UGGT2: variants seen among roughly 807,000 people sequenced by gnomAD.
The protein encoded by UGGT2 is UDP-glucose glycoprotein glucosyltransferase 2.
UGGT2 carries 180 observed loss-of-function variants against 192.1 expected under a neutral mutation model. The ratio of observed to expected loss-of-function variants is 0.94; its 90% CI spans 0.83 to 1.06. UGGT2 has a LOEUF of 1.06. Among genes scored for constraint, UGGT2 ranks in the 50% least tolerant of loss-of-function variants. The pLI, the probability that UGGT2 is intolerant of heterozygous loss-of-function variation, is 0.00. For missense variants in UGGT2, 1,849 were observed against 1,795.7 expected, an observed-to-expected ratio of 1.03 and a Z score of -0.54; for synonymous variants, 580 against 591.0, an observed-to-expected ratio of 0.98 and a Z score of 0.27.
chr13:95,801,928 G>T, intron 38 of UGGT2, 116 bp from the exon 39 acceptor site: 1 of 1,146,598 alleles, frequency 8.7e-7, no homozygotes, highest in Non-Finnish European at 1.3e-6. Context: ...TTATTTGCTA[G>T]TTCAGTACCT....
intron 10 of UGGT2, among the ~76,000 whole-genome samples, chr13:95,981,085 C>T (rs2051108513): frequency 6.6e-6 from 1 of 152,116 alleles, no homozygotes; most frequent in Non-Finnish European, 1.5e-5. Flanking sequence ...TTCTTATCTC[C>T]TCTACTCGAA....
At chr13:96,053,081 G>T in intron 1 of UGGT2, 74 bp downstream of exon 1, 3 of 1,396,198 alleles carry the variant, frequency 2.1e-6, no homozygotes, top group South Asian at 1.6e-5. Flanking sequence ...CACCCGCTGC[G>T]AGCACGAAGA....
At position 96,023,114 on chromosome 13, in the gene UGGT2, T is replaced by C. The variant is rs774747273; in HGVS notation, c.411A>G (p.Ala137=). 4.4e-6 allele frequency: 7 copies of C among 1,598,000 alleles called. No homozygotes were observed. The highest frequency in any genetic ancestry group is 4.5e-5 in the East Asian group (2 of 44,300). Residue 137 remains alanine (A), a synonymous_variant, in exon 4 of 39, where the codon GCA becomes GCG. Coordinates refer to ENST00000376747, the MANE Select transcript of UGGT2 (RefSeq NM_020121.4). Reference sequence around the variant, plus strand: ...TGTGCTTCTTATGAATAACCACAAATGCATTACAACCATCTGGTGGTGGCT... The same window carrying C: ...TGTGCTTCTTATGAATAACCACAAACGCATTACAACCATCTGGTGGTGGCT... ...ADEPPPDGCN[A]FVVIHKKHTC... is the part of the protein sequence containing the mutation.
At chr13:95,926,797 A>T (rs1307529097) in intron 19 of UGGT2, among the ~76,000 whole-genome samples, 4 of 152,128 alleles carry the variant, frequency 2.6e-5, no homozygotes, top group Non-Finnish European at 5.9e-5. Flanking sequence ...TTTCTTAAAA[A>T]GGTGAAAATA....
chr13:96,030,927 T>A (rs1356029682), intron 2 of UGGT2, among the ~76,000 whole-genome samples: 1 of 152,240 alleles, frequency 6.6e-6, no homozygotes, highest in African/African-American at 2.4e-5. Context: ...AAAAGTTTCT[T>A]TAATGGTTTA....
chr13:95,855,114 A>G (rs1265230887), intron 34 of UGGT2, among the ~76,000 whole-genome samples: 1 of 145,710 alleles, frequency 6.9e-6, no homozygotes, highest in Non-Finnish European at 1.5e-5. Context: ...TGTAAAAAAA[A>G]AAAAAAAAAA....
chr13:96,047,031 C>G (rs1456719135), intron 1 of UGGT2, among the ~76,000 whole-genome samples: 1 of 152,206 alleles, frequency 6.6e-6, no homozygotes, highest in African/African-American at 2.4e-5. Flanking sequence ...CTGTAGACTC[C>G]ACCTCTGGGG....
At chr13:95,950,206 G>A (rs1040909011) in intron 12 of UGGT2, among the ~76,000 whole-genome samples, 3 of 152,070 alleles carry the variant, frequency 2.0e-5, no homozygotes, top group Non-Finnish European at 4.4e-5. Context: ...TTCCTCTCAA[G>A]TCATTTGCTG....
In UGGT2 at chr13:95,801,715, C is replaced by T. The variant is rs1594041786; in HGVS notation, c.*75G>A. 6.6e-7 allele frequency: 1 copy of T among 1,512,708 alleles called. No homozygotes were observed. Among genetic ancestry groups the T allele is most frequent in the South Asian group, 1.2e-5 (1 of 83,526 alleles). 93.7% of individuals were successfully genotyped at this position (1,512,708 alleles called of 1,614,324 possible). ...TAACGAGACTTCCAAATCGTCTCAG[C>T]AGGGGCTCCAGACTTCCCCAGCAGG... On this transcript the variant is annotated 3_prime_UTR_variant, in exon 39 of 39. Coordinates refer to ENST00000376747, the MANE Select transcript of UGGT2 (RefSeq NM_020121.4).
At chr13:95,845,001 G>C (rs1369906776) in intron 36 of UGGT2, among the ~76,000 whole-genome samples, 1 of 152,044 alleles carries the variant, frequency 6.6e-6, no homozygotes, top group Admixed American at 6.6e-5. Flanking sequence ...AATCAGGAAA[G>C]GATACTGGAG....
chr13:96,021,605 T>C lies in UGGT2; in HGVS notation c.485+1435A>G, dbSNP rs528663166. Reference sequence around the variant, plus strand: ...TTAACACAGAAACATGAAAACAAAATGAAAGCAATCTTAATTCAAAAGCAA... The same window carrying C: ...TTAACACAGAAACATGAAAACAAAACGAAAGCAATCTTAATTCAAAAGCAA... On this transcript the variant is annotated intron_variant, in intron 4 of 38. Coordinates refer to ENST00000376747, the MANE Select transcript of UGGT2 (RefSeq NM_020121.4). Among the ~76,000 whole-genome samples, 211 of 152,178 alleles carry C rather than the reference T, an allele frequency of 1.4e-3. 1 individual carries two copies. The highest frequency in any genetic ancestry group is 4.7e-3 in the African/African-American group (197 of 41,534).
chr13:95,881,421 G>C lies in UGGT2; in HGVS notation c.3228+3070C>G, dbSNP rs554669169. On this transcript the variant is annotated intron_variant, in intron 27 of 38. Coordinates refer to ENST00000376747, the MANE Select transcript of UGGT2 (RefSeq NM_020121.4). ...CAAATGTGACCTTTTCCCAAATTTTGTAAGTGTTTGATGGTTTGAGACATA... is the reference window on the plus strand; with the variant it reads ...CAAATGTGACCTTTTCCCAAATTTTCTAAGTGTTTGATGGTTTGAGACATA... Among the ~76,000 whole-genome samples the C allele has an allele frequency of 2.6e-5, 4 of 152,244 alleles. No individual in the cohort carries two copies. The South Asian group carries it at 6.2e-4, about 24-fold the overall frequency.
chr13:95,859,723 C>T, intron 32 of UGGT2, 48 bp from the exon 33 acceptor site: 1 of 1,340,320 alleles, frequency 7.5e-7, no homozygotes, highest in South Asian at 1.5e-5. Context: ...GTAACAGGAG[C>T]TCATATATAT....
chr13:96,029,312 A>T (rs1389059692), intron 2 of UGGT2, among the ~76,000 whole-genome samples: 1 of 152,066 alleles, frequency 6.6e-6, no homozygotes, highest in African/African-American at 2.4e-5. Flanking sequence ...TTTGAGTCAG[A>T]GTCTCACTCT....
At chr13:95,947,296 G>T in intron 14 of UGGT2, 124 bp from the exon 15 acceptor site, 1 of 1,063,026 alleles carries the variant, frequency 9.4e-7, no homozygotes, top group East Asian at 2.7e-5. Context: ...ACAGAGAAAA[G>T]GAGAATTTTA....
At chr13:95,996,768 G>A (rs933117402) in intron 6 of UGGT2, among the ~76,000 whole-genome samples, 2 of 152,150 alleles carry the variant, frequency 1.3e-5, no homozygotes, top group Non-Finnish European at 1.5e-5. Flanking sequence ...AGTGAGGCAG[G>A]AGGTCCAAAC....
In UGGT2 at chr13:95,856,208, C is replaced by T. The variant is rs1156468040; in HGVS notation, c.3958G>A (p.Val1320Ile). 8.7e-6 allele frequency: 14 copies of T among 1,613,412 alleles called. No homozygotes were observed. The East Asian group carries it at 2.7e-4, about 31-fold the overall frequency. Residue 1320 changes from valine (V) to isoleucine (I), a missense_variant, in exon 34 of 39, where the codon GTT becomes ATT. Transcript: ENST00000376747. Reference sequence around the variant, plus strand: ...TTGTCCACTGCTAGTGGGAAAAGAACATCAAGGAAAAGAATTTTGTAACCC... The same window carrying T: ...TTGTCCACTGCTAGTGGGAAAAGAATATCAAGGAAAAGAATTTTGTAACCC... ...IWGYKILFLD[V>I]LFPLAVDKII...
rs938145501 is a variant in UGGT2 at position 96,023,728 on chromosome 13, C to G, written c.273G>C (p.Leu91=). The change falls in exon 3 of 39, where the codon CTG becomes CTC. Residue 91 remains leucine, a synonymous_variant. Coordinates refer to ENST00000376747, the MANE Select transcript of UGGT2 (RefSeq NM_020121.4). ...ESDYSYYNLI[L]KKAGQFLDNL... is the part of the protein sequence containing the mutation. The stretch of plus-strand genomic sequence containing the variant: ...TGTCTAGAAACTGTCCAGCTTTCTT[C>G]AGGATTAAGTTGTAATAAGAATAAT... 1.0e-5 allele frequency: 16 copies of G among 1,606,426 alleles called. No homozygotes were observed. The highest frequency in any genetic ancestry group is 1.4e-5 in the Non-Finnish European group (16 of 1,175,026).
At chr13:95,968,871 C>G (rs953504185) in intron 12 of UGGT2, among the ~76,000 whole-genome samples, 2 of 152,060 alleles carry the variant, frequency 1.3e-5, no homozygotes, top group African/African-American at 4.8e-5. Flanking sequence ...AAAGGGTTAA[C>G]TCAAGAGGCT....
Sources: allele counts gnomAD v4.1 joint callset (sites outside exome capture counted in the v4.1 genomes callset), GRCh38; gene constraint gnomAD v4.1.1; transcripts MANE v1.5; gene names NCBI Gene and HGNC (gene_info 2026-07-23, HGNC 2026-07-21).